Variants in CACNA1E observed in about 807,000 individuals in gnomAD.
The protein encoded by CACNA1E is voltage-dependent R-type calcium channel subunit alpha-1E.
A neutral mutation model predicts 259.2 loss-of-function variants in CACNA1E; 40 were observed. That is an observed-to-expected ratio of 0.15 (90% CI 0.12 to 0.20). CACNA1E has a LOEUF of 0.20. Among genes scored for constraint, CACNA1E ranks in the 10% least tolerant of loss-of-function variants. The pLI is 1.00. For missense variants in CACNA1E, 1,874 were observed against 3,040.1 expected (o/e 0.62, Z 9.02); for synonymous variants, 1,104 against 1,138.5 (o/e 0.97, Z 0.61).
intron 16 of CACNA1E, among the ~76,000 whole-genome samples, chr1:181,722,345 C>A (rs1327760550): frequency 6.6e-6 from 1 of 152,126 alleles, no homozygotes; most frequent in Non-Finnish European, 1.5e-5. Context: ...ATACGTGAGA[C>A]CTTAAACTAA....
chr1:181,706,866 T>G (rs1652847598), intron 7 of CACNA1E, among the ~76,000 whole-genome samples: 1 of 152,230 alleles, frequency 6.6e-6, no homozygotes, highest in South Asian at 2.1e-4. Context: ...AAACTATAAA[T>G]GAAATAATTT....
chr1:181,327,154 CTGAT>C (rs1236168666), intron 1 of CACNA1E, among the ~76,000 whole-genome samples: 4 of 152,138 alleles, frequency 2.6e-5, no homozygotes, highest in African/African-American at 9.7e-5. Flanking sequence ...CCTTAGGTGA[CTGAT>C]AAGTTTACTG....
chr1:181,687,629 A>G (rs1372653539), intron 7 of CACNA1E, among the ~76,000 whole-genome samples: 1 of 152,216 alleles, frequency 6.6e-6, no homozygotes, highest in Non-Finnish European at 1.5e-5. Context: ...TGGGACAAAT[A>G]AAAGGATACA....
At chr1:181,781,350 C>A in intron 38 of CACNA1E, 77 bp from the exon 39 acceptor site, 3 of 725,134 alleles carry the variant, frequency 4.1e-6, no homozygotes, top group Non-Finnish European at 5.0e-6. Flanking sequence ...TCCTTCTCCC[C>A]ACTTCCTTCT....
intron 7 of CACNA1E, among the ~76,000 whole-genome samples, chr1:181,656,584 G>A (rs932702291): frequency 6.6e-6 from 1 of 152,084 alleles, no homozygotes; most frequent in African/African-American, 2.4e-5. Context: ...TTAATTTATT[G>A]AAATAAAAAT....
chr1:181,351,747 C>T (rs1318502821), intron 1 of CACNA1E, among the ~76,000 whole-genome samples: 1 of 152,210 alleles, frequency 6.6e-6, no homozygotes, highest in East Asian at 1.9e-4. Context: ...CCTCTGTTGT[C>T]ATATCTCCCT....
chr1:181,345,845 C>T (rs1652550945), intron 1 of CACNA1E, among the ~76,000 whole-genome samples: 2 of 152,170 alleles, frequency 1.3e-5, no homozygotes, highest in Admixed American at 1.3e-4. Flanking sequence ...GTCGGGGCTC[C>T]AGGATCACTG....
chr1:181,603,980 G>A (rs1326101493), intron 6 of CACNA1E, among the ~76,000 whole-genome samples: 1 of 152,190 alleles, frequency 6.6e-6, no homozygotes, highest in Non-Finnish European at 1.5e-5. Flanking sequence ...ACTGCCCTGT[G>A]ACCCACTGCC....
At chr1:181,368,512 G>A (rs183852512) in intron 1 of CACNA1E, among the ~76,000 whole-genome samples, 1 of 152,344 alleles carries the variant, frequency 6.6e-6, no homozygotes, top group Admixed American at 6.5e-5. Flanking sequence ...AGGTTGAGTT[G>A]TGTAACAAAT....
At chr1:181,557,605 C>A (rs1466292575) in intron 3 of CACNA1E, among the ~76,000 whole-genome samples, 1 of 152,194 alleles carries the variant, frequency 6.6e-6, no homozygotes, top group Non-Finnish European at 1.5e-5. Context: ...GCCCTCGCAT[C>A]AGGCTGTGGC....
intron 1 of CACNA1E, among the ~76,000 whole-genome samples, chr1:181,396,931 A>C (rs1312390735): frequency 6.6e-6 from 1 of 152,348 alleles, no homozygotes; most frequent in Admixed American, 6.5e-5. Context: ...ACTTTATTTT[A>C]AGAGTAGAAC....
At chr1:181,630,109 A>G (rs1037315778) in intron 6 of CACNA1E, among the ~76,000 whole-genome samples, 28 of 90,286 alleles carry the variant, frequency 3.1e-4, no homozygotes, top group Admixed American at 2.7e-3. Flanking sequence ...TTACCACAGC[A>G]GGATGGGAAT....
At chr1:181,550,943 T>C (rs1648073741) in intron 3 of CACNA1E, among the ~76,000 whole-genome samples, 1 of 151,948 alleles carries the variant, frequency 6.6e-6, no homozygotes, top group Non-Finnish European at 1.5e-5. Context: ...AGATTGAAAG[T>C]ATTATTATTA....
intron 7 of CACNA1E, among the ~76,000 whole-genome samples, chr1:181,667,836 G>A (rs1023343649): frequency 3.3e-5 from 5 of 151,816 alleles, no homozygotes; most frequent in African/African-American, 1.2e-4. Flanking sequence ...TGGAGGACGT[G>A]TCTGTCTTTT....
At chr1:181,537,801 A>C (rs1165204455) in intron 3 of CACNA1E, among the ~76,000 whole-genome samples, 2 of 152,214 alleles carry the variant, frequency 1.3e-5, no homozygotes, top group Non-Finnish European at 2.9e-5. Flanking sequence ...TGTCTATTCT[A>C]TTACTATTGC....
At chr1:181,435,132 T>C (rs1659999034) in intron 2 of CACNA1E, among the ~76,000 whole-genome samples, 2 of 152,222 alleles carry the variant, frequency 1.3e-5, no homozygotes, top group African/African-American at 2.4e-5. Context: ...GGACTGTCTA[T>C]ATTTATAACA....
intron 6 of CACNA1E, among the ~76,000 whole-genome samples, chr1:181,647,163 T>C (rs1658349721): frequency 6.6e-6 from 1 of 152,002 alleles, no homozygotes; most frequent in South Asian, 2.1e-4. Flanking sequence ...TGATAGTAGG[T>C]GTTGCATGAG....
intron 6 of CACNA1E, among the ~76,000 whole-genome samples, chr1:181,630,563 C>T (rs963490148): frequency 3.3e-5 from 5 of 152,248 alleles, no homozygotes; most frequent in Admixed American, 6.5e-5. Context: ...TCTGGGAATA[C>T]GGCCCAGGCA....
At chr1:181,647,730 C>G (rs1327727517) in intron 6 of CACNA1E, among the ~76,000 whole-genome samples, 1 of 152,176 alleles carries the variant, frequency 6.6e-6, no homozygotes, top group African/African-American at 2.4e-5. Flanking sequence ...CAGAAAGAAC[C>G]ATGCCATTTT....
Sources: gnomAD v4.1 joint callset for allele counts (sites outside exome capture counted in the v4.1 genomes callset) on GRCh38, gnomAD v4.1.1 for gene constraint, MANE v1.5 for transcripts, NCBI Gene and HGNC (gene_info 2026-07-23, HGNC 2026-07-21) for gene names.